The following DZIP3 variants were observed in gnomAD, a reference collection of about 807,000 sequenced individuals.
DZIP3 encodes the protein DAZ interacting zinc finger protein 3.
In DZIP3, 118 loss-of-function variants were observed where a neutral mutation model predicts 162.0. The observed-to-expected ratio is 0.73, with a 90% CI of 0.63 to 0.85. The LOEUF is 0.85. Ranked by LOEUF, DZIP3 falls within the 40% of genes least tolerant of loss-of-function variation. The pLI, the probability that DZIP3 is intolerant of heterozygous loss-of-function variation, is 0.00. For synonymous variants in DZIP3, 438 were observed against 458.6 expected (o/e 0.96, Z 0.57); for missense variants, 1,331 against 1,407.0 (o/e 0.95, Z 0.86).
At chr3:108,624,672 T>C in intron 6 of DZIP3, 148 bp downstream of exon 6, 1 of 463,888 alleles carries the variant, frequency 2.2e-6, no homozygotes, top group Non-Finnish European at 3.8e-6. Flanking sequence ...TTTGAATGCT[T>C]ACCATTCATG....
At chr3:108,656,206 TCCCTGAA>T (rs1417483536) in intron 19 of DZIP3, among the ~76,000 whole-genome samples, 4 of 152,144 alleles carry the variant, frequency 2.6e-5, no homozygotes, top group Non-Finnish European at 4.4e-5. Context: ...CTCAAGTGGA[TCCCTGAA>T]CCCTGAGTAG....
intron 4 of DZIP3, 122 bp downstream of exon 4, chr3:108,611,451 T>C: frequency 8.3e-7 from 1 of 1,201,258 alleles, no homozygotes; most frequent in Admixed American, 2.9e-5. Flanking sequence ...CCATCTTACT[T>C]CTTGTAAAGG....
chr3:108,605,564 C>T (rs1576348102), intron 2 of DZIP3, 126 bp downstream of exon 2: 2 of 922,518 alleles, frequency 2.2e-6, no homozygotes, highest in East Asian at 5.2e-5. Flanking sequence ...GATCATCAGG[C>T]ATTAGATTCT....
intron 7 of DZIP3, 146 bp from the exon 8 acceptor site, chr3:108,628,916 G>A: frequency 1.9e-6 from 1 of 522,098 alleles, no homozygotes; most frequent in Non-Finnish European, 3.4e-6. Flanking sequence ...CCACAGGTGA[G>A]AGTGCTAGTA....
intron 1 of DZIP3, among the ~76,000 whole-genome samples, chr3:108,602,091 C>T (rs1163606087): frequency 6.6e-6 from 1 of 152,068 alleles, no homozygotes; most frequent in East Asian, 1.9e-4. Flanking sequence ...ATTTTGGTAA[C>T]ATTTTAGTCA....
chr3:108,610,601 T>C (rs757917810), intron 3 of DZIP3, among the ~76,000 whole-genome samples: 1 of 152,238 alleles, frequency 6.6e-6, no homozygotes, highest in Non-Finnish European at 1.5e-5. Context: ...CCACAGAGTA[T>C]AAGAACTCTG....
chr3:108,631,277 C>T (rs1275929341), intron 8 of DZIP3, among the ~76,000 whole-genome samples: 1 of 151,858 alleles, frequency 6.6e-6, no homozygotes, highest in Admixed American at 6.6e-5. Flanking sequence ...AGCAGCTTCC[C>T]GTAAAAGAGA....
intron 13 of DZIP3, 117 bp from the exon 14 acceptor site, chr3:108,644,047 T>C (rs1942512707): frequency 3.9e-6 from 5 of 1,288,366 alleles, no homozygotes; most frequent in Non-Finnish European, 5.3e-6. Flanking sequence ...CACTGTACTA[T>C]CCTTCATTCT....
At chr3:108,620,476 G>C (rs1941274255) in intron 5 of DZIP3, among the ~76,000 whole-genome samples, 1 of 152,198 alleles carries the variant, frequency 6.6e-6, no homozygotes, top group African/African-American at 2.4e-5. Context: ...CCTCAGGCCA[G>C]CTAGGTTAGC....
At position 108,654,280 on chromosome 3, in the gene DZIP3, T is replaced by A. The variant is rs777908544; in HGVS notation, c.2169T>A (p.Asp723Glu). The part of the protein sequence containing the change: ...SAMEDKFYSL[D>E]ELHILDMIEQ... ...TGGAAGACAAGTTCTATAGCCTGGATGAATTGCATATTCTGGACATGATAG... is the reference window on the plus strand; with the variant it reads ...TGGAAGACAAGTTCTATAGCCTGGAAGAATTGCATATTCTGGACATGATAG... The change falls in exon 19 of 33, where the codon GAT becomes GAA. Residue 723 changes from aspartate to glutamate, a missense_variant. Asp to Glu is a conservative substitution (Grantham distance 45). Around this residue, in one of 2 missense-constraint regions of DZIP3, gnomAD observed 1,278 missense variants for 1,317.1 expected, o/e 0.97. Transcript: ENST00000361582. 6.2e-7 allele frequency: 1 copy of A among 1,613,786 alleles called. No homozygotes were observed. Among genetic ancestry groups the A allele is most frequent in the Non-Finnish European group, 8.5e-7 (1 of 1,179,722 alleles).
intron 12 of DZIP3, among the ~76,000 whole-genome samples, chr3:108,641,196 C>T (rs912782768): frequency 6.6e-6 from 1 of 151,866 alleles, no homozygotes; most frequent in East Asian, 1.9e-4. Flanking sequence ...AATAGATTTC[C>T]ATTTCTTCCC....
At chr3:108,675,514 T>C (rs913219981) in intron 24 of DZIP3, among the ~76,000 whole-genome samples, 3 of 152,036 alleles carry the variant, frequency 2.0e-5, no homozygotes, top group Non-Finnish European at 4.4e-5. Flanking sequence ...TTTTATAATA[T>C]ATACTAAAAA....
chr3:108,648,895 A>G (rs1942746159), intron 16 of DZIP3, 23 bp from the exon 17 acceptor site: 1 of 1,123,890 alleles, frequency 8.9e-7, no homozygotes, highest in Non-Finnish European at 1.2e-6. Flanking sequence ...TACATATTTA[A>G]TAAATAATTT....
chr3:108,618,604 T>G (rs956623645), intron 5 of DZIP3, among the ~76,000 whole-genome samples: 36 of 152,172 alleles, frequency 2.4e-4, no homozygotes, highest in African/African-American at 8.7e-4. Context: ...ATGAGGAGTT[T>G]ATATTTAATA....
chr3:108,634,092 G>A (rs1036704454), intron 9 of DZIP3, among the ~76,000 whole-genome samples: 1 of 151,990 alleles, frequency 6.6e-6, no homozygotes, highest in Non-Finnish European at 1.5e-5. Context: ...TCTTAATTGC[G>A]AGGCATGATG....
intron 7 of DZIP3, 118 bp downstream of exon 7, chr3:108,626,087 T>G: frequency 8.5e-7 from 1 of 1,170,620 alleles, no homozygotes; most frequent in Non-Finnish European, 1.2e-6. Context: ...TTTTATCCTT[T>G]TCTTCTTTGC....
chr3:108,662,259 T>G lies in DZIP3; in HGVS notation c.2423+2T>G. 6.3e-7 allele frequency: 1 copy of G among 1,584,226 alleles called. No homozygotes were observed. ...TTTTGGAATCAATAAGGTTTCCAAG[T>G]AAGTGTAAATCTTTTGATAAAGGGA... On this transcript the variant is annotated splice_donor_variant, in intron 21 of 32. Coordinates refer to ENST00000361582, the MANE Select transcript of DZIP3 (RefSeq NM_014648.4). LOFTEE classifies it high-confidence loss of function.
chr3:108,650,873 G>A (rs1942832729), intron 17 of DZIP3, among the ~76,000 whole-genome samples: 1 of 151,192 alleles, frequency 6.6e-6, no homozygotes, highest in African/African-American at 2.4e-5. Context: ...CACAACTGCC[G>A]TTTTAAAAAA....
intron 18 of DZIP3, among the ~76,000 whole-genome samples, chr3:108,651,632 G>T (rs544865458): frequency 6.6e-6 from 1 of 151,702 alleles, no homozygotes; most frequent in East Asian, 1.9e-4. Context: ...AAAAAGTTTG[G>T]CTTTGTTGTT....
Sources: gnomAD v4.1 joint callset for allele counts (sites outside exome capture counted in the v4.1 genomes callset) on GRCh38, gnomAD v4.1.1 for gene constraint, gnomAD v4.1.1 regional missense constraint, MANE v1.5 for transcripts, NCBI Gene and HGNC (gene_info 2026-07-23, HGNC 2026-07-21) for gene names.